NEO1: variants seen among roughly 807,000 people sequenced by gnomAD.
The protein encoded by NEO1 is neogenin.
NEO1 carries 63 observed loss-of-function variants against 159.7 expected under a neutral mutation model. The observed-to-expected ratio is 0.39, with a 90% CI of 0.32 to 0.49. NEO1 has a LOEUF of 0.49. NEO1 is among the 20% of genes least tolerant of loss of function. The pLI is 0.85. For synonymous variants in NEO1, 633 were observed against 662.0 expected (o/e 0.96, Z 0.67); for missense variants, 1,615 against 1,831.0 (o/e 0.88, Z 2.15).
intron 7 of NEO1, among the ~76,000 whole-genome samples, chr15:73,190,231 T>G (rs1006851258): frequency 6.6e-6 from 1 of 152,198 alleles, no homozygotes; most frequent in African/African-American, 2.4e-5. Context: ...TCCTGTCAGT[T>G]GAATTTAAAA....
At chr15:73,127,240 A>AAAAAG (rs2030408239) in intron 4 of NEO1, among the ~76,000 whole-genome samples, 1 of 152,036 alleles carries the variant, frequency 6.6e-6, no homozygotes, top group Non-Finnish European at 1.5e-5. Flanking sequence ...CAAAAAAAAA[A>AAAAAG]AAAAGAAACT....
chr15:73,194,869 A>G (rs1347061959), intron 7 of NEO1, among the ~76,000 whole-genome samples: 1 of 152,226 alleles, frequency 6.6e-6, no homozygotes. Flanking sequence ...TTTTCTGTAT[A>G]AGTGTAAGGA....
intron 5 of NEO1, among the ~76,000 whole-genome samples, chr15:73,156,472 G>A (rs1438735123): frequency 6.6e-6 from 1 of 152,192 alleles, no homozygotes; most frequent in Non-Finnish European, 1.5e-5. Flanking sequence ...TGTAGTAGAG[G>A]TAGACCATGC....
At chr15:73,125,960 TTTATC>T (rs371684915) in intron 3 of NEO1, among the ~76,000 whole-genome samples, 17 of 152,278 alleles carry the variant, frequency 1.1e-4, no homozygotes, top group African/African-American at 3.9e-4. Context: ...ACACATGGCT[TTTATC>T]TTATCTTTCA....
At chr15:73,083,359 G>A (rs1335046778) in intron 1 of NEO1, among the ~76,000 whole-genome samples, 2 of 151,998 alleles carry the variant, frequency 1.3e-5, no homozygotes, top group Non-Finnish European at 2.9e-5. Context: ...ATGGAAGGGG[G>A]AGAGGTAGAG....
At chr15:73,284,496 C>T (rs2041863291) in intron 23 of NEO1, among the ~76,000 whole-genome samples, 1 of 151,660 alleles carries the variant, frequency 6.6e-6, no homozygotes, top group South Asian at 2.1e-4. Context: ...AATAGCTTTC[C>T]ATAGCTTGTA....
chr15:73,133,450 A>G (rs2031381981), intron 4 of NEO1, among the ~76,000 whole-genome samples: 1 of 152,178 alleles, frequency 6.6e-6, no homozygotes, highest in South Asian at 2.1e-4. Flanking sequence ...GGTGCAGTGT[A>G]CACTGTTTGG....
At chr15:73,246,055 A>G (rs1447577575) in intron 9 of NEO1, among the ~76,000 whole-genome samples, 1 of 152,234 alleles carries the variant, frequency 6.6e-6, no homozygotes, top group Non-Finnish European at 1.5e-5. Context: ...GTGGAACTAT[A>G]GAAATAATTT....
Position 73,302,794 on chromosome 15 carries a change from TGAG to T in NEO1, c.*99_*101del. 8.8e-7 allele frequency: 1 copy of T among 1,137,442 alleles called. No individual in the cohort carries two copies. Among genetic ancestry groups the T allele is most frequent in the Non-Finnish European group, 1.3e-6 (1 of 775,758 alleles). The allele number at this position is 1,137,442 out of a possible 1,614,324, so 70.5% of individuals were successfully genotyped here. ...GTACAGAGTACGAGAGGACAGCACT[TGAG>T]AACACAGAATGAGCCAGCAGACTGG... On this transcript the variant is annotated 3_prime_UTR_variant, in exon 29 of 29. Coordinates refer to ENST00000261908, the MANE Select transcript of NEO1 (RefSeq NM_002499.4).
At position 73,289,064 on chromosome 15, in the gene NEO1, C is replaced by T. The variant is rs574930901; in HGVS notation, c.3650-82C>T. 358 of 1,021,544 alleles carry T rather than the reference C, an allele frequency of 3.5e-4. 5 individuals are homozygous for T. In the South Asian group the frequency reaches 3.8e-3, roughly 11 times the overall value. 63.3% of individuals were successfully genotyped at this position (1,021,544 alleles called of 1,614,324 possible). A position where few individuals can be genotyped will look rare whatever the true frequency, so the allele number is the denominator to read the frequency against. On this transcript the variant is annotated intron_variant, in intron 24 of 28. Transcript: ENST00000261908. Reference sequence around the variant, plus strand: ...TATGCTGTTTGTGAATTCTGAATCCCCTACTAGAAATGTTTCACTGTTGAG... The same window carrying T: ...TATGCTGTTTGTGAATTCTGAATCCTCTACTAGAAATGTTTCACTGTTGAG...
At chr15:73,162,145 T>A in intron 5 of NEO1, 1 of 226,706 alleles carries the variant, frequency 4.4e-6, no homozygotes, top group South Asian at 7.7e-5. Flanking sequence ...TGCTACCACC[T>A]CCAGGGGCAG....
At chr15:73,272,605 GCC>G in intron 19 of NEO1, 43 bp downstream of exon 19, 9 of 1,341,202 alleles carry the variant, frequency 6.7e-6, no homozygotes, top group Non-Finnish European at 9.6e-6. Context: ...CGCTCTTCCT[GCC>G]TGACAGGAGT....
At chr15:73,064,912 A>G (rs79124964) in intron 1 of NEO1, among the ~76,000 whole-genome samples, 2,290 of 151,806 alleles carry the variant, frequency 0.015, 68 homozygotes, top group African/African-American at 0.052. Context: ...TTTATTATTT[A>G]CTTCTGCTTG....
chr15:73,162,910 C>A lies in NEO1; in HGVS notation c.1016-13493C>A. On this transcript the variant is annotated intron_variant, in intron 5 of 28. Coordinates refer to ENST00000261908, the MANE Select transcript of NEO1 (RefSeq NM_002499.4). ...TCCTCAGGCCTCAGGGGCTCATGTT[C>A]ATGTCCATTGAATCTTCCATGGGGT... 1.6e-5 allele frequency: 3 copies of A among 184,984 alleles called. No homozygotes were observed. In the South Asian group the frequency reaches 3.9e-4, roughly 24 times the overall value. 11.5% of individuals were successfully genotyped at this position (184,984 alleles called of 1,614,324 possible).
chr15:73,125,485 A>G (rs8026579), intron 3 of NEO1, among the ~76,000 whole-genome samples: 82,758 of 152,012 alleles, frequency 0.54, 22,899 homozygotes, highest in Middle Eastern at 0.61. Flanking sequence ...CATGGCTACA[A>G]GACTGTCATT....
At chr15:73,055,575 G>C (rs191862241) in intron 1 of NEO1, among the ~76,000 whole-genome samples, 1 of 152,184 alleles carries the variant, frequency 6.6e-6, no homozygotes, top group East Asian at 1.9e-4. Flanking sequence ...TTTGCCCTCA[G>C]TTGCCACCTG....
intron 1 of NEO1, among the ~76,000 whole-genome samples, chr15:73,106,386 T>A (rs4777587): frequency 0.71 from 107,881 of 152,062 alleles, 39,268 homozygotes; most frequent in African/African-American, 0.88. Flanking sequence ...AAAAACAGGT[T>A]GAACTAATTT....
intron 8 of NEO1, 25 bp from the exon 9 acceptor site, chr15:73,244,319 C>A (rs769614574): frequency 6.3e-7 from 1 of 1,599,296 alleles, no homozygotes; most frequent in Non-Finnish European, 8.5e-7. Context: ...TTAATGCTAT[C>A]TCTCTCCAAA....
intron 8 of NEO1, among the ~76,000 whole-genome samples, chr15:73,241,250 A>G (rs895823780): frequency 6.6e-6 from 1 of 152,238 alleles, no homozygotes; most frequent in African/African-American, 2.4e-5. Flanking sequence ...TATTTCTGCT[A>G]TTCATAGCAC....
Sources: allele counts gnomAD v4.1 joint callset (sites outside exome capture counted in the v4.1 genomes callset), GRCh38; gene constraint gnomAD v4.1.1; transcripts MANE v1.5; gene names NCBI Gene and HGNC (gene_info 2026-07-23, HGNC 2026-07-21).